Variants in LUZP2 observed in about 807,000 individuals in gnomAD.
The protein encoded by LUZP2 is leucine zipper protein 2.
In LUZP2, 52 loss-of-function variants were observed where a neutral mutation model predicts 51.6. The observed-to-expected ratio is 1.01, with a 90% CI of 0.81 to 1.27. The LOEUF (loss-of-function observed/expected upper bound fraction) is 1.27. Ranked by LOEUF, LUZP2 falls within the 50% of genes most tolerant of loss-of-function variation. LUZP2 has a pLI of 0.00. For synonymous variants in LUZP2, 154 were observed against 137.3 expected, an observed-to-expected ratio of 1.12 and a Z score of -0.85; for missense variants, 436 against 395.4, an observed-to-expected ratio of 1.10 and a Z score of -0.87.
intron 7 of LUZP2, among the ~76,000 whole-genome samples, chr11:24,922,797 A>G (rs926720388): frequency 1.6e-4 from 19 of 120,990 alleles, no homozygotes; most frequent in Non-Finnish European, 2.2e-4. Flanking sequence ...TTCTGAAATT[A>G]TGGGACTACC....
At chr11:24,837,758 T>C (rs75352165) in intron 5 of LUZP2, among the ~76,000 whole-genome samples, 1,748 of 151,748 alleles carry the variant, frequency 0.012, 39 homozygotes, top group African/African-American at 0.039. Context: ...GCTAAAAGAC[T>C]TAGAGTGTGG....
intron 10 of LUZP2, among the ~76,000 whole-genome samples, chr11:25,052,635 A>G (rs1241262272): frequency 6.6e-6 from 1 of 152,200 alleles, no homozygotes; most frequent in African/African-American, 2.4e-5. Flanking sequence ...AAATATTGTG[A>G]AATGTATTGC....
chr11:24,767,481 T>C (rs1860236281), intron 5 of LUZP2, among the ~76,000 whole-genome samples: 1 of 152,192 alleles, frequency 6.6e-6, no homozygotes, highest in African/African-American at 2.4e-5. Flanking sequence ...TTGGTTACAG[T>C]TAGACAGTTG....
rs766926227 is a variant in LUZP2, at chr11:24,684,546, C to T, written c.63-44623C>T. Among the ~76,000 whole-genome samples the T allele has an allele frequency of 3.3e-5, 5 of 152,144 alleles. No individual in the cohort carries two copies. In the South Asian group the frequency reaches 6.2e-4, roughly 19 times the overall value. On this transcript the variant is annotated intron_variant, in intron 1 of 11. Coordinates refer to ENST00000336930, the MANE Select transcript of LUZP2 (RefSeq NM_001009909.4). ...CCTGAGCACTCATGATTCAAATGCACGCTGATGGTGTGCTGTAAGCTTCAG... is the reference window on the plus strand; with the variant it reads ...CCTGAGCACTCATGATTCAAATGCATGCTGATGGTGTGCTGTAAGCTTCAG...
At chr11:24,526,097 G>A (rs137943686) in intron 1 of LUZP2, among the ~76,000 whole-genome samples, 113 of 150,714 alleles carry the variant, frequency 7.5e-4, no homozygotes, top group African/African-American at 2.2e-3. Context: ...CTTTCTGCAG[G>A]GTATGAATGA....
intron 9 of LUZP2, among the ~76,000 whole-genome samples, chr11:25,030,212 T>C (rs898229345): frequency 2.0e-5 from 3 of 152,278 alleles, no homozygotes; most frequent in Admixed American, 6.5e-5. Context: ...ATTCTCTAAT[T>C]TTTGGAACTC....
intron 7 of LUZP2, among the ~76,000 whole-genome samples, chr11:24,920,115 A>C (rs1233400358): frequency 1.3e-5 from 2 of 151,938 alleles, no homozygotes; most frequent in East Asian, 1.9e-4. Context: ...GGGTAAATTA[A>C]AAACAATGTT....
At position 24,800,900 on chromosome 11, in the gene LUZP2, T is replaced by C. The variant is rs932680175; in HGVS notation, c.396+37592T>C. Among the ~76,000 whole-genome samples the C allele has an allele frequency of 2.6e-5, 4 of 152,164 alleles. No individual in the cohort carries two copies. In the South Asian group the frequency reaches 6.2e-4, roughly 24 times the overall value. ...TATTTGTACACTTTTGTGGCAAATA[T>C]ATGTCCAAAAGCTATTATGAGTTCT... On this transcript the variant is annotated intron_variant, in intron 5 of 11. Transcript: ENST00000336930.
chr11:24,792,203 C>T (rs1035761594), intron 5 of LUZP2, among the ~76,000 whole-genome samples: 12 of 151,834 alleles, frequency 7.9e-5, no homozygotes, highest in South Asian at 4.2e-4. Flanking sequence ...TGGAGGCAGG[C>T]GGGCCATGAG....
rs1471917326 is a variant in LUZP2, at chr11:24,729,873, C to T, written c.180+587C>T. On this transcript the variant is annotated intron_variant, in intron 2 of 11. Transcript: ENST00000336930. ...TTTGTATGTGTTACATGGTTTAATTCTTGTAATGTATCTATGAGGTAGATC... is the reference window on the plus strand; with the variant it reads ...TTTGTATGTGTTACATGGTTTAATTTTTGTAATGTATCTATGAGGTAGATC... Among the ~76,000 whole-genome samples, 3 of 151,698 alleles carry T rather than the reference C, an allele frequency of 2.0e-5. No homozygotes were observed. The Admixed American group carries it at 2.0e-4, about 10-fold the overall frequency.
intron 7 of LUZP2, among the ~76,000 whole-genome samples, chr11:24,973,380 T>TTTTTTTTAA (rs57321639): frequency 6.9e-6 from 1 of 145,446 alleles, no homozygotes; most frequent in Non-Finnish European, 1.5e-5. Context: ...TTTTTTTTTT[T>TTTTTTTTAA]CAAAAAAACA....
At chr11:24,552,090 T>C (rs561571285) in intron 1 of LUZP2, among the ~76,000 whole-genome samples, 275 of 152,126 alleles carry the variant, frequency 1.8e-3, no homozygotes, top group African/African-American at 6.4e-3. Context: ...ATAAGGCTAG[T>C]GTGATATGGT....
At chr11:24,756,497 G>C (rs1327591963) in intron 4 of LUZP2, among the ~76,000 whole-genome samples, 1 of 152,088 alleles carries the variant, frequency 6.6e-6, no homozygotes, top group Non-Finnish European at 1.5e-5. Context: ...TATACCATGG[G>C]GGACCATGTG....
intron 1 of LUZP2, among the ~76,000 whole-genome samples, chr11:24,689,285 A>C (rs1590350710): frequency 1.3e-5 from 2 of 152,274 alleles, no homozygotes; most frequent in Non-Finnish European, 2.9e-5. Context: ...AGTGGCCTCC[A>C]AGCATTTGGA....
chr11:24,736,852 A>G (rs1363192555), intron 3 of LUZP2, among the ~76,000 whole-genome samples: 1 of 152,066 alleles, frequency 6.6e-6, no homozygotes, highest in Non-Finnish European at 1.5e-5. Context: ...CATTAAAAGC[A>G]TCACCCAAGA....
intron 1 of LUZP2, among the ~76,000 whole-genome samples, chr11:24,649,351 C>T (rs1855556273): frequency 6.6e-6 from 1 of 151,966 alleles, no homozygotes; most frequent in African/African-American, 2.4e-5. Flanking sequence ...TTTATTTATG[C>T]TGCTCCTTCA....
chr11:25,064,273 ATAT>A (rs199883991), intron 10 of LUZP2, among the ~76,000 whole-genome samples: 1,704 of 152,154 alleles, frequency 0.011, 17 homozygotes, highest in Middle Eastern at 0.024. Flanking sequence ...AACACCATTA[ATAT>A]TATGCAGTCT....
At chr11:24,720,407 A>G (rs554933380) in intron 1 of LUZP2, among the ~76,000 whole-genome samples, 28 of 152,352 alleles carry the variant, frequency 1.8e-4, no homozygotes, top group African/African-American at 6.5e-4. Context: ...AGAAGTATAC[A>G]TGAAATTATT....
chr11:24,612,950 T>C (rs758838028), intron 1 of LUZP2, among the ~76,000 whole-genome samples: 29 of 152,106 alleles, frequency 1.9e-4, no homozygotes, highest in Admixed American at 5.2e-4. Flanking sequence ...GGAACCCTAG[T>C]GGTACTAACA....
Sources: allele counts gnomAD v4.1 joint callset (sites outside exome capture counted in the v4.1 genomes callset), GRCh38; gene constraint gnomAD v4.1.1; transcripts MANE v1.5; gene names NCBI Gene and HGNC (gene_info 2026-07-23, HGNC 2026-07-21).